PTK2: variants seen among roughly 807,000 people sequenced by gnomAD.
PTK2 encodes protein tyrosine kinase 2.
A neutral mutation model predicts 150.1 loss-of-function variants in PTK2; 45 were observed. That is an observed-to-expected ratio of 0.30 (90% CI 0.24 to 0.38). The LOEUF (loss-of-function observed/expected upper bound fraction) is 0.38. Among genes scored for constraint, PTK2 ranks in the 10% least tolerant of loss-of-function variants. The probability of loss-of-function intolerance (pLI) is 1.00; values close to 1 mark genes in which losing one functional copy is unlikely to be tolerated. For synonymous variants in PTK2, 432 were observed against 449.2 expected (o/e 0.96, Z 0.48); for missense variants, 919 against 1,307.3 (o/e 0.70, Z 4.58).
chr8:140,697,172 C>T (rs2100027170), intron 26 of PTK2, among the ~76,000 whole-genome samples: 1 of 137,438 alleles, frequency 7.3e-6, no homozygotes, highest in South Asian at 2.4e-4. Context: ...AGGAAAGGTA[C>T]TTGAGTGGGA....
chr8:140,752,461 T>C, intron 16 of PTK2, 145 bp from the exon 20 acceptor site: 1 of 643,194 alleles, frequency 1.6e-6, no homozygotes, highest in Middle Eastern at 2.8e-4. Context: ...ATGAGAGGGA[T>C]ACTTAAAAAC....
exon 27 of PTK2, chr8:140,686,634 G>A: frequency 1.2e-6 from 2 of 1,613,060 alleles, no homozygotes; most frequent in Non-Finnish European, 1.7e-6. Context: ...AGGCTTACCG[G>A]ACCCTGAAGA....
At chr8:140,764,098 T>A in intron 15 of PTK2, 136 bp downstream of exon 17, 2 of 805,484 alleles carry the variant, frequency 2.5e-6, no homozygotes, top group Non-Finnish European at 4.3e-6. Flanking sequence ...ATGGTAAAGG[T>A]TGAAAAGAAT....
chr8:140,704,150 T>C (rs1278373009), intron 24 of PTK2, among the ~76,000 whole-genome samples: 3 of 151,342 alleles, frequency 2.0e-5, no homozygotes, highest in South Asian at 2.1e-4. Flanking sequence ...CCAGAAAACA[T>C]TTAGGAATTT....
At chr8:140,924,423 C>A (rs1039120659) in intron 2 of PTK2, among the ~76,000 whole-genome samples, 1 of 152,134 alleles carries the variant, frequency 6.6e-6, no homozygotes, top group Non-Finnish European at 1.5e-5. Flanking sequence ...ATGCAAGCTC[C>A]GTGACAGAAG....
chr8:140,965,702 C>A (rs1284049331), intron 1 of PTK2, among the ~76,000 whole-genome samples: 3 of 152,168 alleles, frequency 2.0e-5, no homozygotes. Flanking sequence ...CATGGCAAAA[C>A]CCCGTCTCTA....
chr8:140,697,782 A>T (rs1590882253), intron 26 of PTK2, among the ~76,000 whole-genome samples: 1 of 145,836 alleles, frequency 6.9e-6, no homozygotes, highest in Non-Finnish European at 1.5e-5. Context: ...TTTTTGTTGG[A>T]GATTAGACAT....
At chr8:140,715,423 CG>C (rs1384783056) in intron 23 of PTK2, among the ~76,000 whole-genome samples, 3 of 151,932 alleles carry the variant, frequency 2.0e-5, no homozygotes, top group Non-Finnish European at 4.4e-5. Context: ...CTGCTCGCCT[CG>C]GCCTCCCAAA....
At chr8:140,897,197 G>A (rs2100156653) in intron 2 of PTK2, among the ~76,000 whole-genome samples, 2 of 152,026 alleles carry the variant, frequency 1.3e-5, no homozygotes, top group South Asian at 4.1e-4. Context: ...ATACCTATGT[G>A]GCCCAAAAAT....
chr8:140,791,686 T>C (rs1282675867), intron 13 of PTK2, among the ~76,000 whole-genome samples: 1 of 152,094 alleles, frequency 6.6e-6, no homozygotes, highest in Non-Finnish European at 1.5e-5. Flanking sequence ...GTCAATGAGG[T>C]TTCTACAGGA....
intron 26 of PTK2, 57 bp downstream of exon 29, chr8:140,700,834 A>G (rs1035657171): frequency 2.3e-5 from 36 of 1,590,678 alleles, no homozygotes; most frequent in Non-Finnish European, 2.8e-5. Flanking sequence ...AATTTGCAAT[A>G]TAGTAGACTC....
rs1038932517 is a variant in PTK2, at chr8:140,912,750, G to T, written c.-33+12911C>A. 9.2e-4 allele frequency among the ~76,000 whole-genome samples: 140 copies of T among 152,114 alleles called. 1 individual carries two copies. The highest frequency in any genetic ancestry group is 3.3e-3 in the African/African-American group (136 of 41,520). Reference sequence around the variant, plus strand: ...CCGAGGCGGGCGGATCACAACATCAGGAGTTCGAGACCAGCCTGGCCAGTA... The same window carrying T: ...CCGAGGCGGGCGGATCACAACATCATGAGTTCGAGACCAGCCTGGCCAGTA... On this transcript the variant is annotated intron_variant, in intron 2 of 31. Coordinates refer to ENST00000522684, the Ensembl canonical transcript of PTK2.
intron 27 of PTK2, among the ~76,000 whole-genome samples, chr8:140,677,067 C>A (rs1466894878): frequency 6.6e-6 from 1 of 151,976 alleles, no homozygotes; most frequent in African/African-American, 2.4e-5. Context: ...CACTTATACA[C>A]CTTAAATTTA....
At chr8:140,953,571 T>C (rs922162825) in intron 1 of PTK2, among the ~76,000 whole-genome samples, 6 of 152,244 alleles carry the variant, frequency 3.9e-5, no homozygotes, top group African/African-American at 1.4e-4. Context: ...GCATGAGATT[T>C]CATCAGGCTA....
At chr8:140,847,420 C>A (rs1414936231) in intron 5 of PTK2, among the ~76,000 whole-genome samples, 2 of 152,286 alleles carry the variant, frequency 1.3e-5, no homozygotes, top group African/African-American at 4.8e-5. Flanking sequence ...GATATCAATA[C>A]GTGCAAGTAA....
At chr8:140,851,287 T>C (rs1306328338) in intron 5 of PTK2, among the ~76,000 whole-genome samples, 1 of 152,236 alleles carries the variant, frequency 6.6e-6, no homozygotes, top group Non-Finnish European at 1.5e-5. Context: ...ATGAGTTATA[T>C]ACTTTTAAAC....
At chr8:140,958,031 T>C (rs994500695) in intron 1 of PTK2, among the ~76,000 whole-genome samples, 1 of 152,178 alleles carries the variant, frequency 6.6e-6, no homozygotes, top group Non-Finnish European at 1.5e-5. Context: ...ATCCTGCTAA[T>C]GAGTTAACTA....
chr8:140,735,128 T>TGAA, intron 22 of PTK2, 123 bp downstream of exon 25: 2 of 894,348 alleles, frequency 2.2e-6, no homozygotes, highest in South Asian at 3.4e-5. Context: ...TAATTGCATT[T>TGAA]GAACGAAAAA....
chr8:140,785,532 C>T (rs897784405), intron 14 of PTK2, among the ~76,000 whole-genome samples: 4 of 152,148 alleles, frequency 2.6e-5, no homozygotes, highest in African/African-American at 9.7e-5. Flanking sequence ...CTATGAGGTA[C>T]TGACATATGA....
Sources: allele counts gnomAD v4.1 joint callset (sites outside exome capture counted in the v4.1 genomes callset), GRCh38; gene constraint gnomAD v4.1.1; transcripts MANE v1.5; gene names NCBI Gene and HGNC (gene_info 2026-07-23, HGNC 2026-07-21).